The following ZNF544 variants were observed in gnomAD, a reference collection of about 807,000 sequenced individuals.
ZNF544 encodes zinc finger protein 544, also known as zinc finger protein AF020591.
In ZNF544, 10 loss-of-function variants were observed where a neutral mutation model predicts 13.5. That is an observed-to-expected ratio of 0.74 (90% CI 0.46 to 1.25). The LOEUF (loss-of-function observed/expected upper bound fraction) is 1.25. ZNF544 is among the 50% of genes most tolerant of loss of function. The pLI, the probability that ZNF544 is intolerant of heterozygous loss-of-function variation, is 0.00. For synonymous variants in ZNF544, 323 were observed against 300.5 expected (o/e 1.07, Z -0.77); for missense variants, 896 against 845.6 (o/e 1.06, Z -0.74).
intron 5 of ZNF544, among the ~76,000 whole-genome samples, chr19:58,272,052 C>G (rs1358932173): frequency 6.6e-6 from 1 of 151,396 alleles, no homozygotes; most frequent in Non-Finnish European, 1.5e-5. Context: ...ATGCCAGCTA[C>G]TTGGGAGGCT....
chr19:58,262,354 A>G lies in ZNF544; in HGVS notation c.1748A>G (p.Lys583Arg). ...EKPYDCTHCG[K>R]SFSQSYQLVA... is the part of the protein sequence containing the mutation. ...CCGTACGATTGCACTCACTGTGGAA[A>G]GTCCTTCAGCCAAAGCTATCAGTTA... Residue 583 changes from lysine (K) to arginine (R), a missense_variant, in exon 7 of 7, where the codon AAG becomes AGG. Transcript: ENST00000687789. 1 of 1,614,128 alleles carries G rather than the reference A, an allele frequency of 6.2e-7. No individual in the cohort carries two copies. Among genetic ancestry groups the G allele is most frequent in the Non-Finnish European group, 8.5e-7 (1 of 1,179,984 alleles).
At chr19:58,258,381 G>A (rs1434911465) in intron 6 of ZNF544, 2 of 157,366 alleles carry the variant, frequency 1.3e-5, no homozygotes, top group African/African-American at 2.4e-5. Context: ...AGTGCTGGGT[G>A]TGAGGGCACT....
downstream of ZNF544, among the ~76,000 whole-genome samples, chr19:58,269,074 G>T (rs1183383100): frequency 6.6e-6 from 1 of 152,176 alleles, no homozygotes; most frequent in African/African-American, 2.4e-5. Context: ...AAATTTTCAG[G>T]TCATGCCATT....
intron 6 of ZNF544, chr19:58,257,409 T>C (rs2047729071): frequency 6.6e-6 from 1 of 152,244 alleles, no homozygotes; most frequent in Admixed American, 6.5e-5. Context: ...CATTGGTCAC[T>C]TGGTTTACAC....
intron 3 of ZNF544, among the ~76,000 whole-genome samples, chr19:58,237,287 C>T (rs367904178): frequency 6.6e-6 from 1 of 152,092 alleles, no homozygotes; most frequent in Non-Finnish European, 1.5e-5. Flanking sequence ...TTGTCTTGAT[C>T]TCCTCGGCTC....
chr19:58,232,574 A>G (rs73566791), intron 3 of ZNF544, among the ~76,000 whole-genome samples: 15,258 of 151,410 alleles, frequency 0.1, 2,493 homozygotes, highest in African/African-American at 0.34. Context: ...CTAGTCTCCA[A>G]CTTCTAGGCT....
chr19:58,240,084 G>A (rs2043237397), intron 3 of ZNF544, among the ~76,000 whole-genome samples: 1 of 151,974 alleles, frequency 6.6e-6, no homozygotes, highest in Non-Finnish European at 1.5e-5. Flanking sequence ...TTTATTGAGG[G>A]ATGTGTTATG....
At chr19:58,244,179 C>T (rs1600271105) in intron 4 of ZNF544, 123 bp downstream of exon 4, 2 of 744,996 alleles carry the variant, frequency 2.7e-6, no homozygotes, top group East Asian at 3.1e-5. Flanking sequence ...CAGTGCTTCC[C>T]AGTGAAATGC....
intron 5 of ZNF544, among the ~76,000 whole-genome samples, chr19:58,273,709 T>C (rs1054844483): frequency 6.7e-6 from 1 of 148,916 alleles, no homozygotes; most frequent in African/African-American, 2.5e-5. Context: ...AAAAAAAGCC[T>C]ATTCTGTAGA....
Position 58,263,538 on chromosome 19 carries a change from A to G in ZNF544, c.*784A>G. 1.0e-6 allele frequency: 1 copy of G among 985,472 alleles called. No individual in the cohort carries two copies. Among genetic ancestry groups the G allele is most frequent in the Non-Finnish European group, 1.2e-6 (1 of 829,942 alleles). 61.0% of individuals were successfully genotyped at this position (985,472 alleles called of 1,614,324 possible). ...CAGGTGGCCAAAACATGACTCTCAG[A>G]GTGGGGCTTCATGACCATGTGCATC... On this transcript the variant is annotated 3_prime_UTR_variant, in exon 7 of 7. Coordinates refer to ENST00000687789, the MANE Select transcript of ZNF544 (RefSeq NM_014480.4).
chr19:58,253,624 G>A (rs2046682736), intron 6 of ZNF544, among the ~76,000 whole-genome samples: 1 of 151,990 alleles, frequency 6.6e-6, no homozygotes, highest in African/African-American at 2.4e-5. Context: ...ATTTTTAGTA[G>A]AGATGGGTTT....
chr19:58,264,442 A>C (rs1371910095), downstream of ZNF544, among the ~76,000 whole-genome samples: 4 of 151,548 alleles, frequency 2.6e-5, no homozygotes, highest in East Asian at 7.8e-4. Context: ...CTGTAATCCC[A>C]GCACTTTGGG....
At chr19:58,254,719 T>C (rs1005438823) in intron 6 of ZNF544, among the ~76,000 whole-genome samples, 2 of 152,214 alleles carry the variant, frequency 1.3e-5, no homozygotes, top group Non-Finnish European at 2.9e-5. Context: ...CTAATTTCAG[T>C]GTGATGTATC....
At position 58,276,312 on chromosome 19, in the gene ZNF544, TCTGCCTACAGAGAAGGGGATG is replaced by T. The variant is rs1367827602; in HGVS notation, c.245-4_261del. ...GGCAATAGATCCTCCTAGTACCTTC[TCTGCCTACAGAGAAGGGGATG>T]CTGCCTGGGAGCTTTTTGGGACTCC... is the stretch of plus-strand genomic sequence containing the variant. On this transcript the variant is annotated splice_acceptor_variant and splice_polypyrimidine_tract_variant and coding_sequence_variant and intron_variant, in exon 6 of 7. Coordinates refer to the ZNF544 transcript ENST00000595981. LOFTEE classifies it high-confidence loss of function. 8.1e-7 allele frequency: 1 copy of T among 1,227,060 alleles called. No homozygotes were observed. Among genetic ancestry groups the T allele is most frequent in the Non-Finnish European group, 1.0e-6 (1 of 983,854 alleles). The allele number at this position is 1,227,060 out of a possible 1,614,324, so 76.0% of individuals were successfully genotyped here.
rs1568504921 is a variant in ZNF544, at chr19:58,262,667, C to T, written c.2061C>T (p.Pro687=). 2.0e-5 allele frequency: 32 copies of T among 1,613,990 alleles called. No individual in the cohort carries two copies. The highest frequency in any genetic ancestry group is 2.7e-5 in the Non-Finnish European group (32 of 1,179,924). ...ACAGAATTCATTCTGGAGAGAAACC[C>T]TATGAATGTAGTGACTGTGGGAAAT... ...SHHRIHSGEK[P]YECSDCGKSF... The change falls in exon 7 of 7, where the codon CCC becomes CCT. Residue 687 remains proline (P), a synonymous_variant. Coordinates refer to ENST00000687789, the MANE Select transcript of ZNF544 (RefSeq NM_014480.4).
chr19:58,251,282 T>G, intron 6 of ZNF544: 1 of 518,858 alleles, frequency 1.9e-6, no homozygotes, highest in South Asian at 1.4e-5. Context: ...AGGCTTTTAC[T>G]TATCTTTTGG....
rs2049370393 is a variant in ZNF544, at chr19:58,263,273, TA to T, written c.*521del. On this transcript the variant is annotated 3_prime_UTR_variant, in exon 7 of 7. Transcript: ENST00000687789. ...CCCAGGAGTTTGAAACCAGCCTGGG[TA>T]ACATGGCAAAATCCTGTCTTTACAA... 1 of 907,324 alleles carries T rather than the reference TA, an allele frequency of 1.1e-6. No individual in the cohort carries two copies. The highest frequency in any genetic ancestry group is 1.9e-5 in the African/African-American group (1 of 53,230). The allele number at this position is 907,324 out of a possible 1,614,324, so 56.2% of individuals were successfully genotyped here.
In ZNF544 at chr19:58,254,234, A is replaced by AC. The variant is rs1289497484; in HGVS notation, c.245-6617_245-6616insC. Among the ~76,000 whole-genome samples, 5 of 152,042 alleles carry AC rather than the reference A, an allele frequency of 3.3e-5. 1 individual carries two copies. The highest frequency in any genetic ancestry group is 3.3e-4 in the Admixed American group (5 of 15,238). On this transcript the variant is annotated intron_variant, in intron 6 of 6. Transcript: ENST00000687789. ...ACGAGACTCCATCTCAAAAAAAAAAAGGAACAGCAGCACAAATGCCTGGAT... is the reference window on the plus strand; with the variant it reads ...ACGAGACTCCATCTCAAAAAAAAAAACGGAACAGCAGCACAAATGCCTGGAT...
chr19:58,233,780 C>T (rs2041840159), intron 3 of ZNF544, among the ~76,000 whole-genome samples: 1 of 152,198 alleles, frequency 6.6e-6, no homozygotes, highest in Admixed American at 6.5e-5. Context: ...AATATCTTTA[C>T]TGTGGTGCCC....
Sources: allele counts gnomAD v4.1 joint callset (sites outside exome capture counted in the v4.1 genomes callset), GRCh38; gene constraint gnomAD v4.1.1; transcripts MANE v1.5; gene names NCBI Gene and HGNC (gene_info 2026-07-23, HGNC 2026-07-21).